The following LRIG2 variants were observed in gnomAD, a reference collection of about 807,000 sequenced individuals.
LRIG2 encodes leucine rich repeats and immunoglobulin like domains 2, also known as leucine-rich repeats and immunoglobulin-like domains protein 2.
LRIG2 carries 93 observed loss-of-function variants against 107.8 expected under a neutral mutation model. The ratio of observed to expected loss-of-function variants is 0.86; its 90% CI spans 0.73 to 1.03. The LOEUF (loss-of-function observed/expected upper bound fraction) is 1.03, where lower values mean the gene tolerates loss of function less well. LRIG2 is among the 50% of genes least tolerant of loss of function. LRIG2 has a pLI of 0.00. For synonymous variants in LRIG2, 471 were observed against 470.6 expected, an observed-to-expected ratio of 1.00 and a Z score of -0.01; for missense variants, 1,226 against 1,296.0, an observed-to-expected ratio of 0.95 and a Z score of 0.83.
At chr1:113,092,069 C>T (rs1430775281) in intron 2 of LRIG2, among the ~76,000 whole-genome samples, 2 of 152,202 alleles carry the variant, frequency 1.3e-5, no homozygotes, top group African/African-American at 4.8e-5. Context: ...ATTCTCTCCT[C>T]CTGGCCCCAG....
rs188515517 is a variant in LRIG2 at position 113,093,811 on chromosome 1, A to G, written c.515+247A>G. On this transcript the variant is annotated intron_variant, in intron 4 of 17. Transcript: ENST00000361127. ...ATAAAAATAAAATAAAATAAAGCACATGTTTATTATTCATCAGTACCTATC... is the reference window on the plus strand; with the variant it reads ...ATAAAAATAAAATAAAATAAAGCACGTGTTTATTATTCATCAGTACCTATC... 7.8e-3 allele frequency among the ~76,000 whole-genome samples: 1,186 copies of G among 152,276 alleles called. 15 individuals are homozygous for G. Among genetic ancestry groups the G allele is most frequent in the African/African-American group, 0.027 (1,113 of 41,562 alleles).
rs1011662449 is a variant in LRIG2 at position 113,129,531 on chromosome 1, A to C, written c.*5430A>C. 1 of 150,274 alleles carries C rather than the reference A, an allele frequency of 6.7e-6. No homozygotes were observed. The highest frequency in any genetic ancestry group is 2.4e-5 in the African/African-American group (1 of 40,992). 9.3% of individuals were successfully genotyped at this position (150,274 alleles called of 1,614,324 possible). A position where few individuals can be genotyped will look rare whatever the true frequency, so the allele number is the denominator to read the frequency against. On this transcript the variant is annotated 3_prime_UTR_variant, in exon 18 of 18. Coordinates refer to ENST00000361127, the MANE Select transcript of LRIG2 (RefSeq NM_014813.3). ...AGAGCCTATCTCTGGTCTTTAAATA[A>C]ACACACACACACACACACACCCCTA...
At chr1:113,099,236 G>GTTTTTTCT (rs1553228708) in intron 9 of LRIG2, among the ~76,000 whole-genome samples, 6 of 16,200 alleles carry the variant, frequency 3.7e-4, no homozygotes, top group Admixed American at 9.3e-4. Flanking sequence ...AACTTGGCTG[G>GTTTTTTCT]TTTTTTTCTT....
rs910393262 is a variant in LRIG2 at position 113,126,948 on chromosome 1, G to A, written c.*2847G>A. On this transcript the variant is annotated 3_prime_UTR_variant, in exon 18 of 18. Transcript: ENST00000361127. ...TCCATCTTCTTCATTGTCAGAATCT[G>A]AGTTTTCTGTCTTGAAGAACAGCTG... 6.5e-6 allele frequency: 1 copy of A among 154,180 alleles called. No homozygotes were observed. Among genetic ancestry groups the A allele is most frequent in the African/African-American group, 2.4e-5 (1 of 41,430 alleles). The allele number at this position is 154,180 out of a possible 1,614,324, so 9.6% of individuals were successfully genotyped here. A position where few individuals can be genotyped will look rare whatever the true frequency, so the allele number is the denominator to read the frequency against.
chr1:113,122,075 C>CTTTTTTT (rs758568453), intron 17 of LRIG2, among the ~76,000 whole-genome samples: 8 of 87,054 alleles, frequency 9.2e-5, no homozygotes, highest in East Asian at 3.9e-4. Context: ...TTAGGCTCAC[C>CTTTTTTT]TTTTTTTTTT....
intron 16 of LRIG2, among the ~76,000 whole-genome samples, chr1:113,118,668 G>GA (rs1655115654): frequency 7.0e-6 from 1 of 142,362 alleles, no homozygotes; most frequent in Non-Finnish European, 1.5e-5. Context: ...GTATGACTTT[G>GA]TTTTTTTTTT....
At position 113,124,431 on chromosome 1, in the gene LRIG2, G is replaced by T; in HGVS notation, c.*330G>T. The T allele has an allele frequency of 2.8e-6, 1 of 359,880 alleles. No individual in the cohort carries two copies. Among genetic ancestry groups the T allele is most frequent in the Non-Finnish European group, 5.2e-6 (1 of 190,842 alleles). The allele number at this position is 359,880 out of a possible 1,614,324, so 22.3% of individuals were successfully genotyped here. ...GAGTCACATTGCTGCTTAACATGCT[G>T]GATTGCCCTAGTCTTCAGAATGGTC... On this transcript the variant is annotated 3_prime_UTR_variant, in exon 18 of 18. Coordinates refer to ENST00000361127, the MANE Select transcript of LRIG2 (RefSeq NM_014813.3).
At chr1:113,077,615 G>C (rs565137506) in intron 1 of LRIG2, among the ~76,000 whole-genome samples, 1 of 152,006 alleles carries the variant, frequency 6.6e-6, no homozygotes, top group African/African-American at 2.4e-5. Flanking sequence ...GAACAGATTC[G>C]TTTTTTAGCA....
chr1:113,116,844 G>A (rs146555556), intron 16 of LRIG2, among the ~76,000 whole-genome samples: 86 of 152,292 alleles, frequency 5.6e-4, no homozygotes, highest in Non-Finnish European at 1.0e-3. Context: ...GCCAGGCATG[G>A]TGGCATGCCT....
chr1:113,115,791 G>T (rs905402120), intron 15 of LRIG2, among the ~76,000 whole-genome samples: 70 of 152,322 alleles, frequency 4.6e-4, no homozygotes, highest in African/African-American at 1.3e-3. Context: ...CTCCCAGAGG[G>T]CTGGGATTAC....
Position 113,114,590 on chromosome 1 carries a change from T to G in LRIG2, c.2244T>G (p.Asn748Lys). 1.2e-6 allele frequency: 2 copies of G among 1,614,094 alleles called. No homozygotes were observed. The highest frequency in any genetic ancestry group is 1.7e-6 in the Non-Finnish European group (2 of 1,180,022). The change falls in exon 15 of 18, where the codon AAT becomes AAG. Residue 748 changes from asparagine to lysine, a missense_variant. Asn to Lys is a moderately conservative substitution (Grantham distance 94). Coordinates refer to ENST00000361127, the MANE Select transcript of LRIG2 (RefSeq NM_014813.3). ...AACGACATTTCTTTGCTGCAGCCAA[T>G]CAGCTTCTCATCATTGTAGATGCCG... ...VTERHFFAAA[N>K]QLLIIVDAGL...
At chr1:113,119,116 A>G in intron 16 of LRIG2, 117 bp from the exon 17 acceptor site, 2 of 892,500 alleles carry the variant, frequency 2.2e-6, no homozygotes, top group Non-Finnish European at 3.5e-6. Context: ...CCTACTTTAT[A>G]AAGTAAGTGC....
intron 8 of LRIG2, 35 bp from the exon 9 acceptor site, chr1:113,098,670 C>A (rs759584750): frequency 1.6e-6 from 2 of 1,289,070 alleles, no homozygotes; most frequent in South Asian, 1.2e-5. Flanking sequence ...GTTGTATTGA[C>A]TAATAGCACC....
At chr1:113,093,755 CTAAAACTTAAAGTA>C (rs1653929127) in intron 4 of LRIG2, among the ~76,000 whole-genome samples, 191 bp downstream of exon 4, 4 of 151,060 alleles carry the variant, frequency 2.6e-5, no homozygotes, top group Admixed American at 1.3e-4. Context: ...CACATGTACC[CTAAAACTTAAAGTA>C]TAATAATAAT....
intron 11 of LRIG2, among the ~76,000 whole-genome samples, chr1:113,104,114 T>C (rs1654430411): frequency 6.6e-6 from 1 of 152,202 alleles, no homozygotes; most frequent in Non-Finnish European, 1.5e-5. Context: ...TTTGGAATAC[T>C]TAAGATCTCC....
In LRIG2 at chr1:113,114,780, G is replaced by A; in HGVS notation, c.2434G>A (p.Val812Ile). 1.2e-6 allele frequency: 2 copies of A among 1,614,142 alleles called. No individual in the cohort carries two copies. The highest frequency in any genetic ancestry group is 1.7e-6 in the Non-Finnish European group (2 of 1,180,028). The change falls in exon 15 of 18, where the codon GTT (valine) becomes ATT (isoleucine). Residue 812 changes from valine to isoleucine, a missense_variant. By Grantham distance (29) the Val-to-Ile change is conservative. This residue lies in a region of LRIG2 where 642 missense variants were observed against 712.2 expected (regional missense o/e 0.90). Coordinates refer to ENST00000361127, the MANE Select transcript of LRIG2 (RefSeq NM_014813.3). ...GWTTVGIVII[V>I]VVCCVVGTSL... ...GACCACAGTTGGCATTGTCATCATTGTTGTGGTCTGCTGTGTTGTTGGCAC... is the reference window on the plus strand; with the variant it reads ...GACCACAGTTGGCATTGTCATCATTATTGTGGTCTGCTGTGTTGTTGGCAC...
intron 1 of LRIG2, among the ~76,000 whole-genome samples, chr1:113,085,355 C>G (rs2101023928): frequency 6.6e-6 from 1 of 152,316 alleles, no homozygotes; most frequent in East Asian, 1.9e-4. Flanking sequence ...GGGATCTCTG[C>G]TCACCGCAAC....
chr1:113,119,081 T>A (rs901705825), intron 16 of LRIG2, 152 bp from the exon 17 acceptor site: 1 of 664,302 alleles, frequency 1.5e-6, no homozygotes, highest in Non-Finnish European at 2.6e-6. Context: ...AATGAATCAA[T>A]TCACAGAAAT....
intron 17 of LRIG2, among the ~76,000 whole-genome samples, chr1:113,119,802 C>T (rs948881143): frequency 2.0e-5 from 3 of 152,100 alleles, no homozygotes; most frequent in African/African-American, 7.2e-5. Context: ...TAAAAGGTTT[C>T]ATACAGGCTA....
Sources: allele counts gnomAD v4.1 joint callset (sites outside exome capture counted in the v4.1 genomes callset), GRCh38; gene constraint gnomAD v4.1.1; regional missense constraint gnomAD v4.1.1; transcripts MANE v1.5; gene names NCBI Gene and HGNC (gene_info 2026-07-23, HGNC 2026-07-21).